CREB1: variants seen among roughly 807,000 people sequenced by gnomAD.
CREB1 encodes cyclic AMP-responsive element-binding protein 1.
Under a neutral mutation model 42.0 loss-of-function variants are expected in CREB1, and 2 were observed. The observed-to-expected ratio is 0.05, with a 90% confidence interval of 0.02 to 0.15. The LOEUF is 0.15. Ranked by LOEUF, CREB1 falls within the 10% of genes least tolerant of loss-of-function variation. The pLI is 1.00. For synonymous variants in CREB1, 123 were observed against 139.9 expected, an observed-to-expected ratio of 0.88 and a Z score of 0.85; for missense variants, 199 against 388.9, an observed-to-expected ratio of 0.51 and a Z score of 4.11.
chr2:207,570,926 T>G (rs577465593), intron 5 of CREB1, among the ~76,000 whole-genome samples: 14 of 151,872 alleles, frequency 9.2e-5, no homozygotes, highest in Non-Finnish European at 1.6e-4. Flanking sequence ...AGGTCTGTCT[T>G]CTTATCTTTC....
chr2:207,602,483 AC>A lies in CREB1; in HGVS notation c.*5426del. 1 of 203,898 alleles carries A rather than the reference AC, an allele frequency of 4.9e-6. No homozygotes were observed. Among genetic ancestry groups the A allele is most frequent in the Non-Finnish European group, 1.0e-5 (1 of 99,476 alleles). The allele number at this position is 203,898 out of a possible 1,614,324, so 12.6% of individuals were successfully genotyped here. On this transcript the variant is annotated 3_prime_UTR_variant, in exon 8 of 8. Transcript: ENST00000353267. ...GAGTAGGAAATTCACATTTGACCTA[AC>A]ATTACTTGCCTATAGAAGTATGGCA...
At chr2:207,596,445 T>G (rs1377713780) in intron 7 of CREB1, among the ~76,000 whole-genome samples, 1 of 152,252 alleles carries the variant, frequency 6.6e-6, no homozygotes, top group East Asian at 1.9e-4. Flanking sequence ...TTTTGTTTGT[T>G]TCTTTGAGAC....
chr2:207,597,228 AATGTT>A lies in CREB1; in HGVS notation c.*171_*175del. The A allele has an allele frequency of 1.5e-6, 1 of 677,022 alleles. No homozygotes were observed. The highest frequency in any genetic ancestry group is 2.3e-6 in the Non-Finnish European group (1 of 441,578). 41.9% of individuals were successfully genotyped at this position (677,022 alleles called of 1,614,324 possible). A position where few individuals can be genotyped will look rare whatever the true frequency, so the allele number is the denominator to read the frequency against. On this transcript the variant is annotated 3_prime_UTR_variant, in exon 8 of 8. Coordinates refer to ENST00000353267, the MANE Select transcript of CREB1 (RefSeq NM_004379.5). ...ATTTGTGCTTTTGCATTAAACTGTGAATGTTCCAACACCTGCCTCCACTTCTCCCC... is the reference window on the plus strand; with the variant it reads ...ATTTGTGCTTTTGCATTAAACTGTGACCAACACCTGCCTCCACTTCTCCCC...
At chr2:207,551,770 C>G (rs1404794453) in intron 1 of CREB1, among the ~76,000 whole-genome samples, 1 of 151,998 alleles carries the variant, frequency 6.6e-6, no homozygotes, top group African/African-American at 2.4e-5. Context: ...CGGCTGGGCA[C>G]AGTGACTCAA....
intron 1 of CREB1, among the ~76,000 whole-genome samples, chr2:207,545,723 G>A (rs986656141): frequency 5.0e-5 from 7 of 140,588 alleles, no homozygotes; most frequent in African/African-American, 1.6e-4. Flanking sequence ...CAGATTAAAG[G>A]AAGTGAACTT....
At chr2:207,568,290 CAATTA>C (rs1367275039) in intron 4 of CREB1, 5 of 152,000 alleles carry the variant, frequency 3.3e-5, no homozygotes, top group African/African-American at 9.7e-5. Context: ...TCTGTCCTTA[CAATTA>C]AATTAAGAAT....
intron 1 of CREB1, among the ~76,000 whole-genome samples, chr2:207,536,199 A>C (rs1188519950): frequency 6.6e-6 from 1 of 152,224 alleles, no homozygotes; most frequent in African/African-American, 2.4e-5. Flanking sequence ...TTAAACTCAG[A>C]AAGTGATTAA....
intron 1 of CREB1, among the ~76,000 whole-genome samples, chr2:207,548,982 A>C (rs1416898917): frequency 3.3e-5 from 5 of 152,318 alleles, no homozygotes; most frequent in Admixed American, 1.3e-4. Context: ...TGTAATATCT[A>C]GATTGGAGGC....
At chr2:207,553,956 C>A (rs919567528) in intron 1 of CREB1, among the ~76,000 whole-genome samples, 1 of 152,006 alleles carries the variant, frequency 6.6e-6, no homozygotes, top group African/African-American at 2.4e-5. Context: ...TACAATGTGT[C>A]AATATATTAA....
chr2:207,601,721 G>A lies in CREB1; in HGVS notation c.*4663G>A, dbSNP rs1366617681. The A allele has an allele frequency of 9.3e-6, 2 of 213,982 alleles. No individual in the cohort carries two copies. The highest frequency in any genetic ancestry group is 1.9e-5 in the Non-Finnish European group (2 of 105,930). The allele number at this position is 213,982 out of a possible 1,614,324, so 13.3% of individuals were successfully genotyped here. On this transcript the variant is annotated 3_prime_UTR_variant, in exon 8 of 8. Transcript: ENST00000353267. Reference sequence around the variant, plus strand: ...AAATATGTTCATTTTTAATGGCTTTGTTAACATCAAAGAAATGCTGCCTAA... The same window carrying A: ...AAATATGTTCATTTTTAATGGCTTTATTAACATCAAAGAAATGCTGCCTAA...
rs1487621007 is a variant in CREB1 at position 207,597,890 on chromosome 2, A to G, written c.*832A>G. ...CTAAATTCTTAGTAAAATGCTGATC[A>G]GTAAACCAATCCCTTGAGTTATATA... On this transcript the variant is annotated 3_prime_UTR_variant, in exon 8 of 8. Transcript: ENST00000353267. 1 of 188,748 alleles carries G rather than the reference A, an allele frequency of 5.3e-6. No individual in the cohort carries two copies. The highest frequency in any genetic ancestry group is 2.3e-5 in the African/African-American group (1 of 42,914). The allele number at this position is 188,748 out of a possible 1,614,324, so 11.7% of individuals were successfully genotyped here.
rs552782183 is a variant in CREB1 at position 207,547,861 on chromosome 2, C to T, written c.-8-7767C>T. Among the ~76,000 whole-genome samples the T allele has an allele frequency of 2.3e-4, 35 of 151,496 alleles. 2 individuals carry two copies. In the South Asian group the frequency reaches 7.1e-3, roughly 31 times the overall value. On this transcript the variant is annotated intron_variant, in intron 1 of 7. Transcript: ENST00000353267. The stretch of plus-strand genomic sequence containing the variant: ...GCACTACAGCTTTCTTGTTGAAAGG[C>T]GCTATAGAGTTAGTCACATATTCTG...
Position 207,597,422 on chromosome 2 carries a change from C to T in CREB1, c.*364C>T. The T allele has an allele frequency of 4.1e-6, 1 of 245,950 alleles. No individual in the cohort carries two copies. Among genetic ancestry groups the T allele is most frequent in the East Asian group, 6.3e-5 (1 of 15,756 alleles). 15.2% of individuals were successfully genotyped at this position (245,950 alleles called of 1,614,324 possible). A position where few individuals can be genotyped will look rare whatever the true frequency, so the allele number is the denominator to read the frequency against. On this transcript the variant is annotated 3_prime_UTR_variant, in exon 8 of 8. Coordinates refer to ENST00000353267, the MANE Select transcript of CREB1 (RefSeq NM_004379.5). ...AGGTTTGTGCTGAGCTCCTTGATTG[C>T]CTTAGGGACAGAATTACCCCAGCCT...
intron 2 of CREB1, among the ~76,000 whole-genome samples, chr2:207,559,411 CTT>C (rs1220687079): frequency 6.6e-6 from 1 of 152,152 alleles, no homozygotes; most frequent in East Asian, 1.9e-4. Context: ...TATTGTGTCT[CTT>C]TTCCCCATTC....
At position 207,530,938 on chromosome 2, in the gene CREB1, TG is replaced by T. The variant is rs547386766; in HGVS notation, c.-9+810del. On this transcript the variant is annotated intron_variant, in intron 1 of 7. Coordinates refer to ENST00000353267, the MANE Select transcript of CREB1 (RefSeq NM_004379.5). ...GTTGAGAGATGAGAGCTTGTGCTTT[TG>T]GGGGGAATTTTTGACTCCCTCACCC... Among the ~76,000 whole-genome samples the T allele has an allele frequency of 1.4e-3, 207 of 151,366 alleles. 1 individual carries two copies. The highest frequency in any genetic ancestry group is 4.7e-3 in the African/African-American group (194 of 41,324).
At position 207,593,827 on chromosome 2, in the gene CREB1, T is replaced by G. The variant is rs555598715; in HGVS notation, c.840-3087T>G. Among the ~76,000 whole-genome samples the G allele has an allele frequency of 2.6e-5, 4 of 151,938 alleles. No individual in the cohort carries two copies. The East Asian group carries it at 5.8e-4, about 22-fold the overall frequency. On this transcript the variant is annotated intron_variant, in intron 7 of 7. Transcript: ENST00000353267. Reference sequence around the variant, plus strand: ...TCTGCCTCCTGGGTTCAAGCGATTTTCCTACCTCAGCCTCCCAAGTAGCTG... The same window carrying G: ...TCTGCCTCCTGGGTTCAAGCGATTTGCCTACCTCAGCCTCCCAAGTAGCTG...
In CREB1 at chr2:207,605,924, A is replaced by AAG. The variant is rs1559102689; in HGVS notation, c.*8866_*8867insAG. Among the ~76,000 whole-genome samples, 1 of 152,162 alleles carries AAG rather than the reference A, an allele frequency of 6.6e-6. No homozygotes were observed. Among genetic ancestry groups the AAG allele is most frequent in the Non-Finnish European group, 1.5e-5 (1 of 68,002 alleles). On this transcript the variant is annotated 3_prime_UTR_variant, in exon 8 of 8. Coordinates refer to ENST00000353267, the MANE Select transcript of CREB1 (RefSeq NM_004379.5). The stretch of plus-strand genomic sequence containing the variant: ...TTTTTATTAACTTATGTTGATTACT[A>AAG]TTTTTATGTCAAACTTTACAGTCTA...
chr2:207,575,367 A>G lies in CREB1; in HGVS notation c.601A>G (p.Thr201Ala), dbSNP rs763255492. ...ATTAACCATGACCAATGCAGCAGCC[A>G]CTCAGCCGGGTACTACCATTCTACA... The part of the protein sequence containing the change: ...QTLTMTNAAA[T>A]QPGTTILQYA... The change falls in exon 6 of 8, where the codon ACT (threonine) becomes GCT (alanine). Residue 201 changes from threonine to alanine, a missense_variant. By Grantham distance (58) the Thr-to-Ala change is moderately conservative. This residue lies in a region of CREB1 where 66 missense variants were observed against 88.1 expected (regional missense o/e 0.75). Coordinates refer to ENST00000353267, the MANE Select transcript of CREB1 (RefSeq NM_004379.5). The G allele has an allele frequency of 6.8e-6, 11 of 1,614,012 alleles. No individual in the cohort carries two copies. In the Admixed American group the frequency reaches 8.3e-5, roughly 12 times the overall value.
chr2:207,588,838 C>T (rs1357627208), intron 7 of CREB1, among the ~76,000 whole-genome samples: 1 of 143,606 alleles, frequency 7.0e-6, no homozygotes, highest in Non-Finnish European at 1.5e-5. Context: ...GTATATTTAC[C>T]TTTTATCCTA....
Sources: allele counts gnomAD v4.1 joint callset (sites outside exome capture counted in the v4.1 genomes callset), GRCh38; gene constraint gnomAD v4.1.1; regional missense constraint gnomAD v4.1.1; transcripts MANE v1.5; gene names NCBI Gene and HGNC (gene_info 2026-07-23, HGNC 2026-07-21).